The following FBXW4 variants were observed in gnomAD, a reference collection of about 807,000 sequenced individuals.
FBXW4 encodes the protein F-box/WD repeat-containing protein 4.
A neutral mutation model predicts 61.8 loss-of-function variants in FBXW4; 40 were observed. The observed-to-expected ratio is 0.65, with a 90% CI of 0.50 to 0.84. The LOEUF (loss-of-function observed/expected upper bound fraction) is 0.84, where lower values mean the gene tolerates loss of function less well. Ranked by LOEUF, FBXW4 falls within the 40% of genes least tolerant of loss-of-function variation. FBXW4 has a pLI of 0.00. For synonymous variants in FBXW4, 311 were observed against 313.8 expected (o/e 0.99, Z 0.10); for missense variants, 672 against 753.8 (o/e 0.89, Z 1.27).
chr10:101,644,072 T>C (rs2064076670), intron 5 of FBXW4, among the ~76,000 whole-genome samples: 1 of 152,208 alleles, frequency 6.6e-6, no homozygotes. Flanking sequence ...GGGGCCTTTG[T>C]TCCCCCTAAA....
intron 2 of FBXW4, among the ~76,000 whole-genome samples, chr10:101,675,567 G>C (rs1436584976): frequency 1.3e-5 from 2 of 152,174 alleles, no homozygotes; most frequent in African/African-American, 4.8e-5. Flanking sequence ...TCTGATGCCA[G>C]TGAAACCAGT....
intron 5 of FBXW4, among the ~76,000 whole-genome samples, chr10:101,628,365 CCTT>C (rs1391696450): frequency 6.6e-6 from 1 of 152,236 alleles, no homozygotes; most frequent in African/African-American, 2.4e-5. Flanking sequence ...GGCTGACCAT[CCTT>C]CTAGTCCTTT....
In FBXW4 at chr10:101,611,562, T is replaced by G; in HGVS notation, c.1584+66A>C. The G allele has an allele frequency of 6.3e-7, 1 of 1,591,778 alleles. No individual in the cohort carries two copies. The highest frequency in any genetic ancestry group is 1.1e-5 in the South Asian group (1 of 88,908). On this transcript the variant is annotated intron_variant, in intron 8 of 8. Coordinates refer to ENST00000331272, the MANE Select transcript of FBXW4 (RefSeq NM_022039.4). This position sits in a 1 kb window ranked among gnomAD's most constrained non-coding sequence, Gnocchi z 4.9. The stretch of plus-strand genomic sequence containing the variant: ...AGGCACGTCCTTGGCTACCTCACCC[T>G]CTCCCAAATGCAGCCCATAATCATG...
In FBXW4 at chr10:101,694,928, G is replaced by A. The variant is rs1157195172; in HGVS notation, c.178C>T (p.Pro60Ser). 4.8e-5 allele frequency: 59 copies of A among 1,237,954 alleles called. No homozygotes were observed. Among genetic ancestry groups the A allele is most frequent in the Non-Finnish European group, 5.5e-5 (55 of 991,538 alleles). The allele number at this position is 1,237,954 out of a possible 1,614,324, so 76.7% of individuals were successfully genotyped here. The change falls in exon 1 of 9, where the codon CCC (proline) becomes TCC (serine). Residue 60 changes from proline (P) to serine (S), a missense_variant. Transcript: ENST00000331272. The surrounding 1 kb of genome is among the most constrained non-coding windows in gnomAD (Gnocchi z 6.0). Reference protein sequence around the residue: ...GGRGSGAEGKPGPQTAKEAAG... With the variant: ...GGRGSGAEGKSGPQTAKEAAG... ...GCCTCCTTCGCCGTCTGCGGCCCGG[G>A]CTTCCCTTCCGCCCCGCTTCCTCTT... is the stretch of plus-strand genomic sequence containing the variant.
intron 5 of FBXW4, among the ~76,000 whole-genome samples, chr10:101,657,105 A>G (rs2064192785): frequency 6.6e-6 from 1 of 152,098 alleles, no homozygotes; most frequent in Non-Finnish European, 1.5e-5. Flanking sequence ...CCTTGTCAGC[A>G]CCTCAGATAG....
chr10:101,673,054 G>A lies in FBXW4; in HGVS notation c.1008-7C>T. 1 of 1,612,384 alleles carries A rather than the reference G, an allele frequency of 6.2e-7. No homozygotes were observed. Among genetic ancestry groups the A allele is most frequent in the Non-Finnish European group, 8.5e-7 (1 of 1,179,636 alleles). On this transcript the variant is annotated splice_polypyrimidine_tract_variant and splice_region_variant and intron_variant, in intron 3 of 8. Coordinates refer to ENST00000331272, the MANE Select transcript of FBXW4 (RefSeq NM_022039.4). The stretch of plus-strand genomic sequence containing the variant: ...AATGCCAATCTTCCCATCCCTAGGA[G>A]AGAAATAAGGAGCCGACCCCCAAGA...
At chr10:101,689,561 A>G (rs2064570526) in intron 1 of FBXW4, among the ~76,000 whole-genome samples, 1 of 152,256 alleles carries the variant, frequency 6.6e-6, no homozygotes, top group South Asian at 2.1e-4. Context: ...AGAACAAATA[A>G]GTGACTGTCC....
At chr10:101,638,133 T>C (rs1357762897) in intron 5 of FBXW4, among the ~76,000 whole-genome samples, 1 of 152,198 alleles carries the variant, frequency 6.6e-6, no homozygotes, top group African/African-American at 2.4e-5. Flanking sequence ...CCTGACCATA[T>C]GTAAAAATAG....
chr10:101,640,274 C>T (rs1036316227), intron 5 of FBXW4, among the ~76,000 whole-genome samples: 6 of 152,100 alleles, frequency 3.9e-5, no homozygotes, highest in Admixed American at 3.3e-4. Context: ...GTCTGGACAA[C>T]AGAAAATAAC....
chr10:101,649,701 T>C (rs557358288), intron 5 of FBXW4, among the ~76,000 whole-genome samples: 1 of 152,344 alleles, frequency 6.6e-6, no homozygotes, highest in East Asian at 1.9e-4. Flanking sequence ...CAAGACAGTC[T>C]GAAGGATGCC....
intron 5 of FBXW4, 157 bp from the exon 6 acceptor site, chr10:101,624,967 A>C: frequency 1.3e-6 from 1 of 783,698 alleles, no homozygotes; most frequent in Admixed American, 2.1e-5. Context: ...AGCTGTGGGA[A>C]GACATCTTGG....
intron 5 of FBXW4, among the ~76,000 whole-genome samples, chr10:101,634,497 T>A (rs1410503410): frequency 6.7e-6 from 1 of 149,172 alleles, no homozygotes; most frequent in African/African-American, 2.5e-5. Flanking sequence ...AAGAAAGAAG[T>A]TGTTCTACCG....
chr10:101,622,449 C>T (rs1339658038), intron 6 of FBXW4, among the ~76,000 whole-genome samples: 5 of 152,070 alleles, frequency 3.3e-5, no homozygotes, highest in East Asian at 1.9e-4. Flanking sequence ...GACAAGCAGC[C>T]GGGTGCGGTG....
chr10:101,642,179 A>G (rs2064059070), intron 5 of FBXW4, among the ~76,000 whole-genome samples: 1 of 152,058 alleles, frequency 6.6e-6, no homozygotes, highest in Admixed American at 6.6e-5. Flanking sequence ...AAAGTAAAAT[A>G]AAATAAAATA....
intron 5 of FBXW4, among the ~76,000 whole-genome samples, chr10:101,654,119 T>TTA (rs371910507): frequency 8.5e-6 from 1 of 118,306 alleles, no homozygotes; most frequent in Non-Finnish European, 1.7e-5. Context: ...GACTCCGTCT[T>TTA]AAAAAAAAAA....
chr10:101,617,008 G>A (rs2063830442), intron 6 of FBXW4, among the ~76,000 whole-genome samples: 1 of 152,204 alleles, frequency 6.6e-6, no homozygotes, highest in African/African-American at 2.4e-5. Flanking sequence ...TAAGCTGAAG[G>A]GCCTGTTGTT....
chr10:101,618,320 C>A (rs773036998), intron 6 of FBXW4, among the ~76,000 whole-genome samples: 1 of 152,208 alleles, frequency 6.6e-6, no homozygotes, highest in Non-Finnish European at 1.5e-5. Flanking sequence ...GCCACCAACT[C>A]CAGCCACAGG....
intron 5 of FBXW4, among the ~76,000 whole-genome samples, chr10:101,639,710 G>GCT (rs1247796733): frequency 6.6e-6 from 1 of 152,228 alleles, no homozygotes; most frequent in Non-Finnish European, 1.5e-5. Context: ...AAACTCAGGA[G>GCT]CACTTGGCAG....
intron 5 of FBXW4, among the ~76,000 whole-genome samples, chr10:101,641,266 GA>G (rs1001707098): frequency 5.3e-5 from 8 of 151,926 alleles, no homozygotes; most frequent in African/African-American, 1.2e-4. Flanking sequence ...GGGAAAAAAG[GA>G]AAAAAAGCAT....
Sources: allele counts gnomAD v4.1 joint callset (sites outside exome capture counted in the v4.1 genomes callset), GRCh38; gene constraint gnomAD v4.1.1; non-coding constraint Gnocchi (gnomAD v3.1); transcripts MANE v1.5; gene names NCBI Gene and HGNC (gene_info 2026-07-23, HGNC 2026-07-21).